The following TRIM14 variants were observed in gnomAD, a reference collection of about 807,000 sequenced individuals.
The protein encoded by TRIM14 is tripartite motif containing 14.
A neutral mutation model predicts 44.5 loss-of-function variants in TRIM14; 28 were observed. The ratio of observed to expected loss-of-function variants is 0.63; its 90% confidence interval spans 0.47 to 0.86. The LOEUF (loss-of-function observed/expected upper bound fraction) is 0.86. TRIM14 is among the 40% of genes least tolerant of loss of function. The probability of loss-of-function intolerance (pLI) is 0.00; values close to 1 mark genes in which losing one functional copy is unlikely to be tolerated. For synonymous variants in TRIM14, 299 were observed against 269.2 expected, an observed-to-expected ratio of 1.11 and a Z score of -1.08; for missense variants, 607 against 611.1, an observed-to-expected ratio of 0.99 and a Z score of 0.07.
intron 1 of TRIM14, among the ~76,000 whole-genome samples, chr9:98,111,803 T>C (rs12344918): frequency 0.089 from 13,600 of 152,026 alleles, 1,810 homozygotes; most frequent in African/African-American, 0.29. Context: ...CCAGGCATGG[T>C]GGCGCATGCC....
intron 2 of TRIM14, among the ~76,000 whole-genome samples, chr9:98,106,611 C>T (rs901644373): frequency 6.6e-6 from 1 of 152,116 alleles, no homozygotes; most frequent in Non-Finnish European, 1.5e-5. Context: ...ATGAAGGCCA[C>T]TTAGGTGTTA....
Position 98,092,417 on chromosome 9 carries a change from C to T in TRIM14, c.701-416G>A, listed in dbSNP as rs369782377. On this transcript the variant is annotated intron_variant, in intron 4 of 5. Transcript: ENST00000341469. ...CCCTTGGCACTTGCTGTGCCCTCTGCCTGGACAGCCCCCCCACACCCTTCC... is the reference window on the plus strand; with the variant it reads ...CCCTTGGCACTTGCTGTGCCCTCTGTCTGGACAGCCCCCCCACACCCTTCC... 22 of 312,118 alleles carry T rather than the reference C, an allele frequency of 7.0e-5. 1 individual carries two copies. The East Asian group carries it at 1.2e-3, about 17-fold the overall frequency. 19.3% of individuals were successfully genotyped at this position (312,118 alleles called of 1,614,324 possible). A position where few individuals can be genotyped will look rare whatever the true frequency, so the allele number is the denominator to read the frequency against.
At chr9:98,047,243 A>G in the TRIM14 span, among the ~76,000 whole-genome samples, 1 of 152,164 alleles carries the variant, frequency 6.6e-6, no homozygotes, top group East Asian at 1.9e-4. Flanking sequence ...GTCTGCTGCC[A>G]TGTAAGACGT....
chr9:98,088,107 C>G, intron 5 of TRIM14, 102 bp from the exon 6 acceptor site: 1 of 1,289,364 alleles, frequency 7.8e-7, no homozygotes, highest in South Asian at 1.7e-5. Flanking sequence ...AAATGCGAAG[C>G]GCGGAAATGG....
chr9:98,053,802 AAAAT>A, the TRIM14 span, among the ~76,000 whole-genome samples: 55 of 146,452 alleles, frequency 3.8e-4, no homozygotes, highest in South Asian at 1.1e-3. Flanking sequence ...AGCCCACTAC[AAAAT>A]AAATAAATAA....
chr9:98,116,810 C>T (rs1321102804), intron 1 of TRIM14, among the ~76,000 whole-genome samples: 3 of 148,896 alleles, frequency 2.0e-5, no homozygotes, highest in Non-Finnish European at 4.4e-5. Flanking sequence ...TGCCATTGCA[C>T]TCTAGTCTGG....
At position 98,087,892 on chromosome 9, in the gene TRIM14, G is replaced by A. The variant is rs775898578; in HGVS notation, c.907C>T (p.Leu303=). 3.2e-6 allele frequency: 5 copies of A among 1,569,212 alleles called. No homozygotes were observed. Among genetic ancestry groups the A allele is most frequent in the Non-Finnish European group, 4.3e-6 (5 of 1,167,842 alleles). Residue 303 remains leucine (L), a synonymous_variant, in exon 6 of 6, where the codon CTG becomes TTG. Coordinates refer to ENST00000341469, the MANE Select transcript of TRIM14 (RefSeq NM_014788.4). The part of the protein sequence containing the change: ...LLGSLGPVPV[L]RFDALWQVLA... ...ACTTGCCAGAGCGCGTCGAACCGCA[G>A]CACGGGCACGGGCCCCAGGCTGCCC...
intron 2 of TRIM14, among the ~76,000 whole-genome samples, chr9:98,108,596 C>T (rs892818513): frequency 3.3e-5 from 5 of 151,962 alleles, no homozygotes; most frequent in Non-Finnish European, 5.9e-5. Flanking sequence ...ACCCTTCCAA[C>T]GTGACAGCTT....
chr9:98,083,430 A>G (rs1829978455), downstream of TRIM14, among the ~76,000 whole-genome samples: 1 of 152,206 alleles, frequency 6.6e-6, no homozygotes, highest in South Asian at 2.1e-4. Context: ...ACTTCCTTAC[A>G]GCCCTTTACT....
chr9:98,068,650 TAAA>T (rs55679709), downstream of TRIM14, among the ~76,000 whole-genome samples: 9 of 127,704 alleles, frequency 7.0e-5, no homozygotes, highest in African/African-American at 2.6e-4. Flanking sequence ...CCCCATCTAT[TAAA>T]AAAAAAAAAA....
downstream of TRIM14, chr9:98,082,164 T>C (rs1829894995): frequency 6.6e-6 from 1 of 152,268 alleles, no homozygotes. Context: ...CATTCCCTCA[T>C]CTGCCTGTAT....
At chr9:98,082,403 A>G (rs913920126), downstream of TRIM14, among the ~76,000 whole-genome samples, 3 of 152,154 alleles carry the variant, frequency 2.0e-5, no homozygotes, top group Non-Finnish European at 4.4e-5. Flanking sequence ...CAGTTTCCCC[A>G]TGTTTACAAT....
chr9:98,083,214 C>A, downstream of TRIM14: 1 of 696,002 alleles, frequency 1.4e-6, no homozygotes, highest in Non-Finnish European at 2.4e-6. Flanking sequence ...GGCCCTGTGT[C>A]AGCCCACTGG....
the TRIM14 span, among the ~76,000 whole-genome samples, chr9:98,039,219 G>A: frequency 1.8e-4 from 28 of 152,050 alleles, no homozygotes; most frequent in African/African-American, 6.8e-4. Flanking sequence ...AGCATGTCAC[G>A]GCTCACTGCA....
At chr9:98,043,046 C>T in the TRIM14 span, among the ~76,000 whole-genome samples, 2 of 152,048 alleles carry the variant, frequency 1.3e-5, no homozygotes, top group Non-Finnish European at 2.9e-5. Context: ...AATACATAGA[C>T]GTATTAGGCA....
intron 4 of TRIM14, among the ~76,000 whole-genome samples, 200 bp from the exon 5 acceptor site, chr9:98,092,201 G>T (rs553054752): frequency 6.6e-6 from 1 of 152,162 alleles, no homozygotes; most frequent in Non-Finnish European, 1.5e-5. Flanking sequence ...ATAGGAGGAG[G>T]AGCTGAGGCG....
At chr9:98,054,084 C>T in the TRIM14 span, among the ~76,000 whole-genome samples, 447 of 152,250 alleles carry the variant, frequency 2.9e-3, no homozygotes, top group African/African-American at 0.01. Flanking sequence ...AATGAGTAGT[C>T]TCTGGGCAAG....
At chr9:98,070,594 T>A (rs1192998421) in intron 6 of TRIM14, among the ~76,000 whole-genome samples, 2 of 151,752 alleles carry the variant, frequency 1.3e-5, no homozygotes, top group East Asian at 3.9e-4. Flanking sequence ...CTAATTTTTG[T>A]ATTTTTAGTA....
At chr9:98,053,744 C>T in the TRIM14 span, among the ~76,000 whole-genome samples, 9 of 151,772 alleles carry the variant, frequency 5.9e-5, no homozygotes, top group Non-Finnish European at 7.4e-5. Flanking sequence ...TCCAGAAGAA[C>T]GGAGCGGCCT....
Sources: gnomAD v4.1 joint callset for allele counts (sites outside exome capture counted in the v4.1 genomes callset) on GRCh38, gnomAD v4.1.1 for gene constraint, MANE v1.5 for transcripts, NCBI Gene and HGNC (gene_info 2026-07-23, HGNC 2026-07-21) for gene names.